CFAP61: variants seen among roughly 807,000 people sequenced by gnomAD.
The protein encoded by CFAP61 is cilia- and flagella-associated protein 61.
CFAP61 carries 107 observed loss-of-function variants against 135.6 expected under a neutral mutation model. The observed-to-expected ratio is 0.79, with a 90% CI of 0.67 to 0.93. The LOEUF (loss-of-function observed/expected upper bound fraction) is 0.93. Ranked by LOEUF, CFAP61 falls within the 40% of genes least tolerant of loss-of-function variation. The pLI is 0.00. For synonymous variants in CFAP61, 575 were observed against 578.5 expected (o/e 0.99, Z 0.09); for missense variants, 1,507 against 1,556.2 (o/e 0.97, Z 0.53).
intron 9 of CFAP61, among the ~76,000 whole-genome samples, chr20:20,150,988 A>G (rs2052363172): frequency 6.6e-6 from 1 of 152,184 alleles, no homozygotes; most frequent in Non-Finnish European, 1.5e-5. Flanking sequence ...GTAATATGAC[A>G]AAACAAGGTT....
intron 17 of CFAP61, among the ~76,000 whole-genome samples, chr20:20,205,870 GA>G (rs995086422): frequency 2.0e-5 from 3 of 152,148 alleles, no homozygotes; most frequent in African/African-American, 4.8e-5. Context: ...GGGAAAGGAA[GA>G]AAAAAATTAT....
Position 20,056,671 on chromosome 20 carries a change from TCCAAGAGG to T in CFAP61, c.19_26del (p.Pro7LysfsTer23), listed in dbSNP as rs1395830397. 1 of 1,614,164 alleles carries T rather than the reference TCCAAGAGG, an allele frequency of 6.2e-7. No individual in the cohort carries two copies. Among genetic ancestry groups the T allele is most frequent in the Non-Finnish European group, 8.5e-7 (1 of 1,180,014 alleles). Reference sequence around the variant, plus strand: ...GATAAAAAATGTCAGTACTCACTTCTCCAAGAGGAAAGGTAGAAGTTGTTCATTGCCGA... The same window carrying T: ...GATAAAAAATGTCAGTACTCACTTCTAAAGGTAGAAGTTGTTCATTGCCGA... On this transcript the variant is annotated frameshift_variant, in exon 2 of 27. Coordinates refer to ENST00000245957, the MANE Select transcript of CFAP61 (RefSeq NM_015585.4). LOFTEE classifies it high-confidence loss of function.
chr20:20,263,191 C>T (rs1398797996), intron 21 of CFAP61, 61 bp downstream of exon 21: 2 of 1,228,852 alleles, frequency 1.6e-6, no homozygotes, highest in Non-Finnish European at 1.1e-6. Context: ...TAATGAGTCT[C>T]ATTCTTCATC....
intron 21 of CFAP61, among the ~76,000 whole-genome samples, chr20:20,263,954 G>A (rs2052480965): frequency 6.6e-6 from 1 of 151,960 alleles, no homozygotes; most frequent in Non-Finnish European, 1.5e-5. Context: ...AATTAAACAT[G>A]CTAATTTATT....
At chr20:20,304,713 G>A (rs984117869) in intron 25 of CFAP61, among the ~76,000 whole-genome samples, 2 of 151,952 alleles carry the variant, frequency 1.3e-5, no homozygotes, top group Non-Finnish European at 2.9e-5. Context: ...CAGGACACCG[G>A]GCGCGAAAGG....
intron 1 of CFAP61, among the ~76,000 whole-genome samples, chr20:20,053,498 A>G (rs914244442): frequency 6.6e-6 from 1 of 152,230 alleles, no homozygotes; most frequent in African/African-American, 2.4e-5. Context: ...AGGTTGGACA[A>G]ATGTATAATG....
chr20:20,090,725 A>T, intron 6 of CFAP61, 119 bp from the exon 7 acceptor site: 17 of 746,428 alleles, frequency 2.3e-5, no homozygotes, highest in Non-Finnish European at 3.3e-5. Flanking sequence ...AGGAAAGTTG[A>T]TATCATGAGT....
intron 7 of CFAP61, 21 bp downstream of exon 7, chr20:20,090,997 G>A (rs769173239): frequency 3.7e-6 from 6 of 1,613,442 alleles, no homozygotes; most frequent in Non-Finnish European, 5.1e-6. Context: ...GATTCATGTG[G>A]GAACACACTT....
chr20:20,358,190 A>G (rs2059341584), intron 26 of CFAP61, among the ~76,000 whole-genome samples: 1 of 132,168 alleles, frequency 7.6e-6, no homozygotes, highest in Non-Finnish European at 1.6e-5. Flanking sequence ...AAGTGGTCAC[A>G]CTGAGGGGAA....
At chr20:20,276,490 T>C (rs191369789) in intron 21 of CFAP61, among the ~76,000 whole-genome samples, 89 of 152,380 alleles carry the variant, frequency 5.8e-4, no homozygotes, top group Non-Finnish European at 9.1e-4. Flanking sequence ...TTGAGAAATG[T>C]AAATAGTATA....
chr20:20,346,395 G>A (rs2058637264), intron 26 of CFAP61, among the ~76,000 whole-genome samples: 1 of 151,096 alleles, frequency 6.6e-6, no homozygotes, highest in Non-Finnish European at 1.5e-5. Flanking sequence ...GTGGGCGGCT[G>A]TAGTCCCAGC....
At chr20:20,305,941 G>A (rs1178240582) in intron 25 of CFAP61, among the ~76,000 whole-genome samples, 3 of 152,150 alleles carry the variant, frequency 2.0e-5, no homozygotes, top group Admixed American at 2.0e-4. Flanking sequence ...TCAAATTTTT[G>A]AACCTTACTT....
At chr20:20,336,137 C>T (rs568968243) in intron 25 of CFAP61, among the ~76,000 whole-genome samples, 1 of 152,140 alleles carries the variant, frequency 6.6e-6, no homozygotes, top group Admixed American at 6.5e-5. Flanking sequence ...TATAATAGAA[C>T]AGGATGCCTC....
At chr20:20,238,970 T>A (rs1037273053) in intron 18 of CFAP61, among the ~76,000 whole-genome samples, 13 of 151,908 alleles carry the variant, frequency 8.6e-5, no homozygotes, top group Non-Finnish European at 1.8e-4. Context: ...TTTTTTTTTT[T>A]CATGATATGG....
intron 9 of CFAP61, among the ~76,000 whole-genome samples, chr20:20,157,185 G>A (rs1360829608): frequency 6.6e-6 from 1 of 152,102 alleles, no homozygotes; most frequent in Non-Finnish European, 1.5e-5. Flanking sequence ...TGATACTCAT[G>A]CCTCAGCCTT....
At chr20:20,217,287 T>C (rs2048102867) in intron 17 of CFAP61, among the ~76,000 whole-genome samples, 1 of 152,244 alleles carries the variant, frequency 6.6e-6, no homozygotes, top group African/African-American at 2.4e-5. Context: ...AGAGATATGC[T>C]TAATTTCTTC....
intron 9 of CFAP61, among the ~76,000 whole-genome samples, chr20:20,143,861 C>T (rs974943013): frequency 1.3e-5 from 2 of 152,170 alleles, no homozygotes; most frequent in African/African-American, 4.8e-5. Flanking sequence ...TCACACCAGG[C>T]ATGTGAGGAA....
chr20:20,153,232 G>A (rs140968479), intron 9 of CFAP61, among the ~76,000 whole-genome samples: 64 of 152,232 alleles, frequency 4.2e-4, no homozygotes, highest in Admixed American at 1.3e-3. Flanking sequence ...GGTGCTAAGA[G>A]GAAAGTTCAT....
chr20:20,281,356 TA>T (rs1182075480), intron 22 of CFAP61, among the ~76,000 whole-genome samples: 1 of 152,232 alleles, frequency 6.6e-6, no homozygotes, highest in Non-Finnish European at 1.5e-5. Flanking sequence ...CTTTCACTGT[TA>T]AATATGAGAT....
Sources: gnomAD v4.1 joint callset for allele counts (sites outside exome capture counted in the v4.1 genomes callset) on GRCh38, gnomAD v4.1.1 for gene constraint, MANE v1.5 for transcripts, NCBI Gene and HGNC (gene_info 2026-07-23, HGNC 2026-07-21) for gene names.